Variants in ST8SIA1 observed in about 807,000 individuals in gnomAD.
ST8SIA1 encodes alpha-N-acetylneuraminide alpha-2,8-sialyltransferase.
ST8SIA1 carries 16 observed loss-of-function variants against 35.9 expected under a neutral mutation model. That is an observed-to-expected ratio of 0.45 (90% CI 0.30 to 0.68). The LOEUF (loss-of-function observed/expected upper bound fraction) is 0.68, where lower values mean the gene tolerates loss of function less well. Among genes scored for constraint, ST8SIA1 ranks in the 30% least tolerant of loss-of-function variants. ST8SIA1 has a pLI of 0.09. For missense variants in ST8SIA1, 383 were observed against 453.6 expected, an observed-to-expected ratio of 0.84 and a Z score of 1.41; for synonymous variants, 170 against 169.6, an observed-to-expected ratio of 1.00 and a Z score of -0.02.
intron 2 of ST8SIA1, among the ~76,000 whole-genome samples, chr12:22,264,976 A>G (rs1865830067): frequency 6.6e-6 from 1 of 152,266 alleles, no homozygotes; most frequent in African/African-American, 2.4e-5. Context: ...ATTATAAAAA[A>G]TAACACAAAA....
chr12:22,202,455 A>C (rs1173196897), intron 4 of ST8SIA1, among the ~76,000 whole-genome samples: 1 of 152,212 alleles, frequency 6.6e-6, no homozygotes, highest in Admixed American at 6.5e-5. Flanking sequence ...CAAAGGAATC[A>C]CTTCTAAGAT....
intron 4 of ST8SIA1, among the ~76,000 whole-genome samples, chr12:22,227,391 C>T (rs1015746985): frequency 3.3e-5 from 5 of 151,724 alleles, no homozygotes; most frequent in South Asian, 4.2e-4. Context: ...CTGGCCAACT[C>T]GGTGAAACCC....
chr12:22,332,723 T>A (rs923196958), intron 1 of ST8SIA1, among the ~76,000 whole-genome samples: 4 of 152,236 alleles, frequency 2.6e-5, no homozygotes, highest in Non-Finnish European at 5.9e-5. Flanking sequence ...GTTATCTTTT[T>A]AATCCTCTTT....
At chr12:22,230,331 A>G (rs1356189147) in intron 4 of ST8SIA1, among the ~76,000 whole-genome samples, 1 of 152,194 alleles carries the variant, frequency 6.6e-6, no homozygotes, top group East Asian at 1.9e-4. Flanking sequence ...CTTAGAGCAC[A>G]GCTATAGACT....
At chr12:22,244,079 C>CCTTTTTAT (rs1367379856) in intron 4 of ST8SIA1, among the ~76,000 whole-genome samples, 1 of 152,028 alleles carries the variant, frequency 6.6e-6, no homozygotes, top group Non-Finnish European at 1.5e-5. Context: ...ACACTGAGAT[C>CCTTTTTAT]CTTTTTATAT....
At position 22,203,852 on chromosome 12, in the gene ST8SIA1, T is replaced by C. The variant is rs1865076441; in HGVS notation, c.585-1814A>G. Among the ~76,000 whole-genome samples, 3 of 151,904 alleles carry C rather than the reference T, an allele frequency of 2.0e-5. No homozygotes were observed. The South Asian group carries it at 6.3e-4, about 32-fold the overall frequency. On this transcript the variant is annotated intron_variant, in intron 4 of 4. Transcript: ENST00000396037. ...ATAACCTGCTACTCCATTTGAGCCATTGGTTCTCACACTTTAGTTAGAATA... is the reference window on the plus strand; with the variant it reads ...ATAACCTGCTACTCCATTTGAGCCACTGGTTCTCACACTTTAGTTAGAATA...
chr12:22,264,043 C>T (rs1200029568), intron 2 of ST8SIA1, among the ~76,000 whole-genome samples: 1 of 152,100 alleles, frequency 6.6e-6, no homozygotes, highest in South Asian at 2.1e-4. Context: ...TATATACCCT[C>T]ACCCACGTAT....
At chr12:22,296,209 T>C (rs999579037) in intron 1 of ST8SIA1, among the ~76,000 whole-genome samples, 1 of 152,090 alleles carries the variant, frequency 6.6e-6, no homozygotes, top group African/African-American at 2.4e-5. Flanking sequence ...ACTGGTGTAT[T>C]GGGGGAGAGG....
intron 3 of ST8SIA1, among the ~76,000 whole-genome samples, chr12:22,252,305 T>C (rs1286252340): frequency 6.6e-6 from 1 of 152,196 alleles, no homozygotes; most frequent in African/African-American, 2.4e-5. Context: ...GGACCAGACA[T>C]ACGACATGCT....
chr12:22,321,310 C>T (rs1274556392), intron 1 of ST8SIA1, among the ~76,000 whole-genome samples: 6 of 147,230 alleles, frequency 4.1e-5, no homozygotes, highest in Non-Finnish European at 7.5e-5. Context: ...GAGGGCTGCC[C>T]GCCAGGTGAA....
intron 4 of ST8SIA1, among the ~76,000 whole-genome samples, chr12:22,222,314 C>T (rs1011031758): frequency 2.0e-5 from 3 of 152,126 alleles, no homozygotes; most frequent in Non-Finnish European, 2.9e-5. Context: ...TTGGTCCAAA[C>T]ATGTTCAGCA....
At chr12:22,307,333 C>A (rs1866398132) in intron 1 of ST8SIA1, among the ~76,000 whole-genome samples, 3 of 152,096 alleles carry the variant, frequency 2.0e-5, no homozygotes, top group Non-Finnish European at 4.4e-5. Flanking sequence ...TTGGCCTAGT[C>A]AATCTCCCCA....
intron 1 of ST8SIA1, among the ~76,000 whole-genome samples, chr12:22,318,636 G>T (rs974009690): frequency 6.6e-6 from 1 of 152,212 alleles, no homozygotes; most frequent in Non-Finnish European, 1.5e-5. Flanking sequence ...GAAAAAAAGA[G>T]ACATCCTCCT....
chr12:22,296,995 G>A (rs1489177307), intron 1 of ST8SIA1, among the ~76,000 whole-genome samples: 1 of 152,168 alleles, frequency 6.6e-6, no homozygotes, highest in Non-Finnish European at 1.5e-5. Flanking sequence ...TACACAGCAG[G>A]GTGGGATGCA....
chr12:22,310,367 G>C (rs941612510), intron 1 of ST8SIA1, among the ~76,000 whole-genome samples: 2 of 152,164 alleles, frequency 1.3e-5, no homozygotes, highest in African/African-American at 4.8e-5. Context: ...TCTAGTGGCT[G>C]CACAACCTTG....
chr12:22,230,778 G>C (rs543241642), intron 4 of ST8SIA1, among the ~76,000 whole-genome samples: 1 of 152,276 alleles, frequency 6.6e-6, no homozygotes, highest in African/African-American at 2.4e-5. Context: ...ACAGGGCATT[G>C]CTGGGGGACG....
At chr12:22,231,147 CATA>C (rs947479603) in intron 4 of ST8SIA1, among the ~76,000 whole-genome samples, 1 of 147,948 alleles carries the variant, frequency 6.8e-6, no homozygotes, top group Non-Finnish European at 1.5e-5. Flanking sequence ...ATATAATAGA[CATA>C]ATAATACATA....
At chr12:22,297,079 A>G (rs1259277617) in intron 1 of ST8SIA1, among the ~76,000 whole-genome samples, 1 of 152,152 alleles carries the variant, frequency 6.6e-6, no homozygotes, top group Non-Finnish European at 1.5e-5. Flanking sequence ...ATTATATAAT[A>G]GATATAAGAA....
intron 2 of ST8SIA1, among the ~76,000 whole-genome samples, chr12:22,277,117 G>T (rs1418684648): frequency 6.6e-6 from 1 of 152,106 alleles, no homozygotes; most frequent in African/African-American, 2.4e-5. Flanking sequence ...CTTTCTTAGA[G>T]GGTAGAATTT....
Sources: allele counts gnomAD v4.1 joint callset (sites outside exome capture counted in the v4.1 genomes callset), GRCh38; gene constraint gnomAD v4.1.1; transcripts MANE v1.5; gene names NCBI Gene and HGNC (gene_info 2026-07-23, HGNC 2026-07-21).